Variants in YWHAG observed in about 807,000 individuals in gnomAD.
The protein encoded by YWHAG is tyrosine 3-monooxygenase/tryptophan 5-monooxygenase activation protein gamma.
Under a neutral mutation model 23.3 loss-of-function variants are expected in YWHAG, and 1 was observed. The ratio of observed to expected loss-of-function variants is 0.04; its 90% CI spans 0.02 to 0.20. YWHAG has a LOEUF of 0.20. YWHAG is among the 10% of genes least tolerant of loss of function. YWHAG has a pLI of 1.00. For synonymous variants in YWHAG, 160 were observed against 144.0 expected, an observed-to-expected ratio of 1.11 and a Z score of -0.80; for missense variants, 151 against 338.6, an observed-to-expected ratio of 0.45 and a Z score of 4.35.
intron 1 of YWHAG, among the ~76,000 whole-genome samples, chr7:76,335,974 G>T (rs1803610050): frequency 6.6e-6 from 1 of 152,044 alleles, no homozygotes; most frequent in African/African-American, 2.4e-5. Flanking sequence ...CCAAAAAAAA[G>T]TTATGAATGC....
In YWHAG at chr7:76,328,584, G is replaced by T. The variant is rs930922889; in HGVS notation, c.*993C>A. On this transcript the variant is annotated 3_prime_UTR_variant, in exon 2 of 2. Coordinates refer to ENST00000307630, the MANE Select transcript of YWHAG (RefSeq NM_012479.4). The stretch of plus-strand genomic sequence containing the variant: ...ACCCAGCTGCGTCCGCCAGCACGAG[G>T]CGCAGTAGGAAACGCCCCAGTGCAG... 3.9e-5 allele frequency: 6 copies of T among 152,222 alleles called. No homozygotes were observed. The highest frequency in any genetic ancestry group is 1.4e-4 in the African/African-American group (6 of 41,442). The allele number at this position is 152,222 out of a possible 1,614,324, so 9.4% of individuals were successfully genotyped here. A position where few individuals can be genotyped will look rare whatever the true frequency, so the allele number is the denominator to read the frequency against.
chr7:76,348,263 T>C (rs560359406), intron 1 of YWHAG, among the ~76,000 whole-genome samples: 34 of 121,870 alleles, frequency 2.8e-4, no homozygotes, highest in African/African-American at 1.2e-3. Context: ...GCCTTAGACT[T>C]CGTTTTTTTT....
intron 1 of YWHAG, among the ~76,000 whole-genome samples, chr7:76,349,540 G>A (rs1194738166): frequency 6.6e-6 from 1 of 152,016 alleles, no homozygotes; most frequent in African/African-American, 2.4e-5. Flanking sequence ...ACAGGTAGTT[G>A]TAATTCACTC....
At chr7:76,331,268 GCC>G (rs1427279404) in intron 1 of YWHAG, among the ~76,000 whole-genome samples, 1 of 141,250 alleles carries the variant, frequency 7.1e-6, no homozygotes, top group Non-Finnish European at 1.5e-5. Context: ...ACCAGCACAT[GCC>G]AACTGGCTGG....
chr7:76,339,582 T>C (rs1803661876), intron 1 of YWHAG, among the ~76,000 whole-genome samples: 1 of 152,198 alleles, frequency 6.6e-6, no homozygotes, highest in Non-Finnish European at 1.5e-5. Context: ...ATACATTCTA[T>C]ACTGTTGACC....
chr7:76,352,333 C>T (rs2115650644), intron 1 of YWHAG, among the ~76,000 whole-genome samples: 1 of 152,308 alleles, frequency 6.6e-6, no homozygotes, highest in African/African-American at 2.4e-5. Context: ...TTCCTCACTT[C>T]CCTGCCCACG....
At chr7:76,339,035 G>A (rs1241336399) in intron 1 of YWHAG, among the ~76,000 whole-genome samples, 2 of 152,148 alleles carry the variant, frequency 1.3e-5, no homozygotes, top group East Asian at 3.8e-4. Flanking sequence ...ACCTACAATT[G>A]AAGCTTAAAG....
intron 1 of YWHAG, among the ~76,000 whole-genome samples, chr7:76,348,062 G>A (rs1803810485): frequency 6.6e-6 from 1 of 152,160 alleles, no homozygotes; most frequent in Admixed American, 6.5e-5. Context: ...AAACCTAGAT[G>A]ACACGCCACC....
intron 1 of YWHAG, 134 bp downstream of exon 1, chr7:76,358,588 C>A: frequency 1.1e-6 from 1 of 894,096 alleles, no homozygotes; most frequent in South Asian, 1.9e-5. Context: ...GGACCCTCCC[C>A]AGCCCCCCTC....
intron 1 of YWHAG, among the ~76,000 whole-genome samples, chr7:76,355,505 C>A (rs777205209): frequency 6.6e-6 from 1 of 152,140 alleles, no homozygotes; most frequent in African/African-American, 2.4e-5. Flanking sequence ...ATTCTTTCCA[C>A]GCCCAAGAAG....
chr7:76,336,011 TA>T (rs1415707411), intron 1 of YWHAG, among the ~76,000 whole-genome samples: 1 of 152,150 alleles, frequency 6.6e-6, no homozygotes, highest in East Asian at 1.9e-4. Context: ...TCTTCTTAAA[TA>T]ACTCCTCGGG....
intron 1 of YWHAG, among the ~76,000 whole-genome samples, chr7:76,354,530 AAATAAAATAC>A (rs1803922318): frequency 1.3e-5 from 2 of 152,322 alleles, no homozygotes; most frequent in South Asian, 4.1e-4. Flanking sequence ...AAAAAAATTA[AAATAAAATAC>A]AATAAAATAA....
chr7:76,349,901 G>A (rs1803849415), intron 1 of YWHAG, among the ~76,000 whole-genome samples: 1 of 152,178 alleles, frequency 6.6e-6, no homozygotes, highest in Admixed American at 6.5e-5. Flanking sequence ...GGCTGAGGTA[G>A]GAGAATTGCT....
At chr7:76,336,451 C>A (rs576314972) in intron 1 of YWHAG, among the ~76,000 whole-genome samples, 46 of 116,716 alleles carry the variant, frequency 3.9e-4, no homozygotes, top group Admixed American at 1.4e-3. Flanking sequence ...GAAAGTCTGG[C>A]TTTTTTTTTT....
At chr7:76,347,766 A>G (rs73359657) in intron 1 of YWHAG, among the ~76,000 whole-genome samples, 14,967 of 152,244 alleles carry the variant, frequency 0.098, 1,269 homozygotes, top group African/African-American at 0.23. Flanking sequence ...TTGCTATACA[A>G]AAGGTTTTCT....
intron 1 of YWHAG, among the ~76,000 whole-genome samples, chr7:76,345,560 C>T (rs1803766133): frequency 6.6e-6 from 1 of 152,076 alleles, no homozygotes; most frequent in African/African-American, 2.4e-5. Context: ...GTTTCTTCCC[C>T]CTCCATGGAT....
At position 76,354,166 on chromosome 7, in the gene YWHAG, C is replaced by T. The variant is rs536228607; in HGVS notation, c.87+4556G>A. On this transcript the variant is annotated intron_variant, in intron 1 of 1. Coordinates refer to ENST00000307630, the MANE Select transcript of YWHAG (RefSeq NM_012479.4). ...TCAAAAGAAGGCAAAGAGAAGATAA[C>T]GTTTTATATCATTTAAAAGTAGTAT... is the stretch of plus-strand genomic sequence containing the variant. 3.3e-5 allele frequency among the ~76,000 whole-genome samples: 5 copies of T among 151,604 alleles called. No homozygotes were observed. In the South Asian group the frequency reaches 6.3e-4, roughly 19 times the overall value.
chr7:76,341,873 G>A (rs1172485538), intron 1 of YWHAG, among the ~76,000 whole-genome samples: 2 of 152,132 alleles, frequency 1.3e-5, no homozygotes, highest in Admixed American at 6.5e-5. Context: ...TGGGTGAATC[G>A]CATGGTATGT....
chr7:76,352,625 C>T (rs1301728094), intron 1 of YWHAG, among the ~76,000 whole-genome samples: 1 of 151,974 alleles, frequency 6.6e-6, no homozygotes, highest in African/African-American at 2.4e-5. Context: ...TATGTAAGAA[C>T]ACTCTCTTTC....
Sources: gnomAD v4.1 joint callset for allele counts (sites outside exome capture counted in the v4.1 genomes callset) on GRCh38, gnomAD v4.1.1 for gene constraint, MANE v1.5 for transcripts, NCBI Gene and HGNC (gene_info 2026-07-23, HGNC 2026-07-21) for gene names.